Variants in ULK2 observed in about 807,000 individuals in gnomAD.
ULK2 encodes the protein serine/threonine-protein kinase ULK2.
A neutral mutation model predicts 127.5 loss-of-function variants in ULK2; 76 were observed. The ratio of observed to expected loss-of-function variants is 0.60; its 90% confidence interval spans 0.50 to 0.72. ULK2 has a LOEUF of 0.72. ULK2 is among the 30% of genes least tolerant of loss of function. The probability of loss-of-function intolerance (pLI) is 0.00; values close to 1 mark genes in which losing one functional copy is unlikely to be tolerated. For missense variants in ULK2, 1,144 were observed against 1,295.9 expected (o/e 0.88, Z 1.80); for synonymous variants, 452 against 461.9 (o/e 0.98, Z 0.28).
At chr17:19,855,165 G>T (rs2042097942) in intron 3 of ULK2, among the ~76,000 whole-genome samples, 1 of 151,456 alleles carries the variant, frequency 6.6e-6, no homozygotes, top group Non-Finnish European at 1.5e-5. Flanking sequence ...AGCACTTTGG[G>T]AGGCCGAGGC....
intron 12 of ULK2, among the ~76,000 whole-genome samples, chr17:19,824,080 T>C (rs2041228097): frequency 6.6e-6 from 1 of 152,186 alleles, no homozygotes; most frequent in Non-Finnish European, 1.5e-5. Flanking sequence ...GTAAGGTACA[T>C]GGAGGCTGCA....
intron 3 of ULK2, among the ~76,000 whole-genome samples, chr17:19,863,077 G>A (rs2042276240): frequency 6.6e-6 from 1 of 152,080 alleles, no homozygotes; most frequent in Admixed American, 6.6e-5. Flanking sequence ...AGCTGGACTT[G>A]GTGGCAGGCG....
intron 13 of ULK2, among the ~76,000 whole-genome samples, chr17:19,815,386 G>A (rs1204493887): frequency 2.0e-5 from 3 of 151,938 alleles, no homozygotes; most frequent in Non-Finnish European, 4.4e-5. Flanking sequence ...GGGGTTCAAC[G>A]ATTCTCCAGC....
intron 10 of ULK2, among the ~76,000 whole-genome samples, chr17:19,837,877 G>C (rs2041635990): frequency 6.6e-6 from 1 of 152,160 alleles, no homozygotes; most frequent in Admixed American, 6.5e-5. Flanking sequence ...CTATTCTCAA[G>C]CAGCAGCCAG....
chr17:19,834,312 T>C (rs1420725459), intron 10 of ULK2, among the ~76,000 whole-genome samples: 2 of 152,078 alleles, frequency 1.3e-5, no homozygotes, highest in Admixed American at 6.6e-5. Flanking sequence ...ATAAAGAGCA[T>C]TGGTAATTAT....
intron 5 of ULK2, among the ~76,000 whole-genome samples, chr17:19,847,829 G>A (rs1372174929): frequency 6.6e-6 from 1 of 152,026 alleles, no homozygotes; most frequent in Admixed American, 6.6e-5. Flanking sequence ...ATTACACTGA[G>A]AGACATCGTG....
intron 20 of ULK2, among the ~76,000 whole-genome samples, chr17:19,791,764 A>C (rs1022819420): frequency 3.3e-5 from 5 of 151,470 alleles, no homozygotes; most frequent in Non-Finnish European, 7.4e-5. Context: ...AGGCTGAGGC[A>C]CAAGAATTGC....
chr17:19,831,826 C>CA (rs1219053900), intron 10 of ULK2, among the ~76,000 whole-genome samples: 8 of 150,084 alleles, frequency 5.3e-5, no homozygotes, highest in East Asian at 2.0e-4. Context: ...GACTCTGTCT[C>CA]AAAAAAAAGA....
chr17:19,826,849 C>T lies in ULK2; in HGVS notation c.788-663G>A, dbSNP rs539032223. On this transcript the variant is annotated intron_variant, in intron 10 of 26. Transcript: ENST00000395544. Reference sequence around the variant, plus strand: ...GCCGGCGCCTGTAGTCCCAGCTACTCGGGAGGCTGAGGCAGGAGAATGGCG... The same window carrying T: ...GCCGGCGCCTGTAGTCCCAGCTACTTGGGAGGCTGAGGCAGGAGAATGGCG... 1.9e-4 allele frequency among the ~76,000 whole-genome samples: 29 copies of T among 151,528 alleles called. No homozygotes were observed. In the East Asian group the frequency reaches 4.9e-3, roughly 26 times the overall value.
At chr17:19,838,673 G>T in intron 9 of ULK2, 90 bp from the exon 10 acceptor site, 3 of 1,066,156 alleles carry the variant, frequency 2.8e-6, no homozygotes, top group Non-Finnish European at 2.8e-6. Flanking sequence ...ACTAAAACGT[G>T]TATGCGGTTT....
chr17:19,846,233 T>C (rs1236802871), intron 6 of ULK2, among the ~76,000 whole-genome samples: 1 of 152,198 alleles, frequency 6.6e-6, no homozygotes. Context: ...GAGCTCCTGA[T>C]GTGGGCCTGT....
At chr17:19,780,722 G>T (rs987003969) in intron 24 of ULK2, 93 bp from the exon 25 acceptor site, 2 of 1,289,606 alleles carry the variant, frequency 1.6e-6, no homozygotes, top group Admixed American at 2.7e-5. Flanking sequence ...TATAGGGAAG[G>T]TGTCACTATG....
chr17:19,857,356 A>G (rs984540752), intron 3 of ULK2, among the ~76,000 whole-genome samples: 5 of 151,760 alleles, frequency 3.3e-5, no homozygotes, highest in Non-Finnish European at 5.9e-5. Flanking sequence ...AGAGCTTCTG[A>G]TACTACAGCT....
Position 19,813,990 on chromosome 17 carries a change from G to A in ULK2, c.1096+2759C>T, listed in dbSNP as rs150693793. 2.0e-3 allele frequency among the ~76,000 whole-genome samples: 310 copies of A among 152,160 alleles called. 1 individual carries two copies. Among genetic ancestry groups the A allele is most frequent in the African/African-American group, 7.2e-3 (300 of 41,514 alleles). On this transcript the variant is annotated intron_variant, in intron 13 of 26. Transcript: ENST00000395544. ...GGAAAGGGCCAAGAATAGCCAGAGT[G>A]ATTCTGAAGAATACTGAAATGCTCT...
At chr17:19,845,202 T>C (rs2041851590) in intron 7 of ULK2, 102 bp downstream of exon 7, 1 of 1,010,346 alleles carries the variant, frequency 9.9e-7, no homozygotes, top group Admixed American at 2.0e-5. Context: ...CAACTTGGAC[T>C]ATATGTAAAA....
intron 3 of ULK2, among the ~76,000 whole-genome samples, chr17:19,857,319 A>C (rs569013297): frequency 6.6e-6 from 1 of 152,164 alleles, no homozygotes; most frequent in African/African-American, 2.4e-5. Flanking sequence ...AAAAAAAAAA[A>C]AAAAAAATGT....
intron 9 of ULK2, chr17:19,840,554 G>T: frequency 1.1e-5 from 3 of 277,774 alleles, no homozygotes; most frequent in South Asian, 4.5e-5. Flanking sequence ...TGCCTAAATA[G>T]TCTATTAATC....
chr17:19,849,303 T>A, intron 5 of ULK2, 66 bp downstream of exon 5: 1 of 1,406,852 alleles, frequency 7.1e-7, no homozygotes, highest in Non-Finnish European at 9.9e-7. Flanking sequence ...ATTTCACAAG[T>A]ACCTCTTAGG....
At chr17:19,827,671 G>T (rs535550874) in intron 10 of ULK2, among the ~76,000 whole-genome samples, 8 of 152,150 alleles carry the variant, frequency 5.3e-5, no homozygotes, top group Non-Finnish European at 1.2e-4. Flanking sequence ...CAGCACTTTG[G>T]GAGGCAGAGG....
Sources: allele counts gnomAD v4.1 joint callset (sites outside exome capture counted in the v4.1 genomes callset), GRCh38; gene constraint gnomAD v4.1.1; transcripts MANE v1.5; gene names NCBI Gene and HGNC (gene_info 2026-07-23, HGNC 2026-07-21).